The following SAXO1 variants were observed in gnomAD, a reference collection of about 807,000 sequenced individuals.
The protein encoded by SAXO1 is 4930500O09Rik.
In SAXO1, 21 loss-of-function variants were observed where a neutral mutation model predicts 17.5. The ratio of observed to expected loss-of-function variants is 1.20; its 90% confidence interval spans 0.85 to 1.72. The LOEUF is 1.72. Among genes scored for constraint, SAXO1 ranks in the 40% most tolerant of loss-of-function variants. The pLI is 0.00. For synonymous variants in SAXO1, 274 were observed against 216.5 expected (o/e 1.27, Z -2.33); for missense variants, 843 against 596.0 (o/e 1.41, Z -4.32).
intron 2 of SAXO1, among the ~76,000 whole-genome samples, chr9:18,943,527 C>A (rs543675824): frequency 1.3e-5 from 2 of 152,246 alleles, no homozygotes; most frequent in African/African-American, 4.8e-5. Context: ...ATGAAAATGC[C>A]CAGAAAACTC....
Position 18,928,838 on chromosome 9 carries a change from G to A in SAXO1, c.639C>T (p.Ala213=), listed in dbSNP as rs1830907022. The change falls in exon 4 of 4, where the codon GCC becomes GCT. Residue 213 remains alanine (A), a synonymous_variant. Transcript: ENST00000380534. ...GCACAAAGCGCTTCTCCACGGGGTG[G>A]GCCACATAGCTCATCTTGTAGTTAG... is the stretch of plus-strand genomic sequence containing the variant. ...DVTNYKMSYV[A]HPVEKRFVHE... 4 of 1,614,118 alleles carry A rather than the reference G, an allele frequency of 2.5e-6. No individual in the cohort carries two copies. Among genetic ancestry groups the A allele is most frequent in the African/African-American group, 2.7e-5 (2 of 74,998 alleles).
chr9:19,045,496 G>C (rs1836192904), intron 1 of SAXO1, among the ~76,000 whole-genome samples: 1 of 152,126 alleles, frequency 6.6e-6, no homozygotes, highest in South Asian at 2.1e-4. Flanking sequence ...CAGAGACACA[G>C]AGGACTGAAG....
Position 19,032,960 on chromosome 9 carries a change from C to T in SAXO1, c.-52G>A, listed in dbSNP as rs1032582433. The T allele has an allele frequency of 1.7e-5, 26 of 1,573,892 alleles. No homozygotes were observed. In the African/African-American group the frequency reaches 1.9e-4, roughly 11 times the overall value. ...CCCTCAGAGCATCGCCAGCTGCAGC[C>T]GACTCCTAGACCCCAACCACCTGTC... On this transcript the variant is annotated 5_prime_UTR_variant, in exon 1 of 4. Transcript: ENST00000380534.
chr9:19,010,668 G>A (rs1434079291), intron 1 of SAXO1, among the ~76,000 whole-genome samples: 2 of 152,064 alleles, frequency 1.3e-5, no homozygotes, highest in Admixed American at 6.5e-5. Flanking sequence ...CTCCAGAATA[G>A]AAGCAACTTA....
intron 2 of SAXO1, among the ~76,000 whole-genome samples, chr9:18,946,317 T>A (rs1185303335): frequency 6.8e-6 from 1 of 147,068 alleles, no homozygotes; most frequent in East Asian, 2.0e-4. Flanking sequence ...AGGACCAAGT[T>A]TGAAGCAACC....
At chr9:18,969,145 T>A (rs59467044) in intron 1 of SAXO1, among the ~76,000 whole-genome samples, 24,288 of 152,090 alleles carry the variant, frequency 0.16, 3,961 homozygotes, top group African/African-American at 0.42. Context: ...TCTGCTTAAG[T>A]AAGAGCTTCC....
chr9:18,962,727 C>G (rs112715010), intron 1 of SAXO1, among the ~76,000 whole-genome samples: 1 of 152,186 alleles, frequency 6.6e-6, no homozygotes, highest in Non-Finnish European at 1.5e-5. Flanking sequence ...GGACAGATTG[C>G]AAAAATTTTC....
In SAXO1 at chr9:18,928,992, G is replaced by T; in HGVS notation, c.485C>A (p.Pro162Gln). Residue 162 changes from proline to glutamine, a missense_variant, in exon 4 of 4, where the codon CCG (proline) becomes CAG (glutamine). Coordinates refer to ENST00000380534, the MANE Select transcript of SAXO1 (RefSeq NM_153707.4). Reference sequence around the variant, plus strand: ...TCTGTTATCAAACCTGACTGATGCCGGCTGGTATTTGTGTTCCAGACGAAG... The same window carrying T: ...TCTGTTATCAAACCTGACTGATGCCTGCTGGTATTTGTGTTCCAGACGAAG... ...EPLRLEHKYQ[P>Q]ASVRFDNRTT... The T allele has an allele frequency of 1.2e-6, 2 of 1,614,042 alleles. No homozygotes were observed. Among genetic ancestry groups the T allele is most frequent in the Non-Finnish European group, 1.7e-6 (2 of 1,180,012 alleles).
upstream of SAXO1, among the ~76,000 whole-genome samples, chr9:19,033,637 G>A (rs372528222): frequency 5.3e-5 from 8 of 152,180 alleles, no homozygotes; most frequent in South Asian, 6.2e-4. Context: ...ACAGACCTGC[G>A]CTCTTGAGAA....
chr9:19,038,658 A>G (rs1338816936), intron 1 of SAXO1, among the ~76,000 whole-genome samples: 5 of 151,254 alleles, frequency 3.3e-5, no homozygotes, highest in Non-Finnish European at 5.9e-5. Flanking sequence ...CTAATGCTAA[A>G]TGACGAGTTA....
At chr9:18,943,792 C>T (rs933336610) in intron 2 of SAXO1, among the ~76,000 whole-genome samples, 4 of 152,186 alleles carry the variant, frequency 2.6e-5, no homozygotes, top group African/African-American at 9.7e-5. Context: ...AAGCTGGGCG[C>T]CTGAGCTGCC....
At chr9:18,933,038 G>A (rs1336434082) in intron 3 of SAXO1, among the ~76,000 whole-genome samples, 4 of 152,136 alleles carry the variant, frequency 2.6e-5, no homozygotes, top group African/African-American at 7.2e-5. Context: ...TTGCATTATT[G>A]CACTAGCTAG....
chr9:18,999,565 T>C (rs7019163), intron 1 of SAXO1, among the ~76,000 whole-genome samples: 110,124 of 129,668 alleles, frequency 0.85, 46,508 homozygotes, highest in African/African-American at 0.9. Flanking sequence ...CGCCGCTGCC[T>C]GGCCGCCACA....
intron 1 of SAXO1, among the ~76,000 whole-genome samples, chr9:18,974,097 G>T (rs1833046510): frequency 6.6e-6 from 1 of 152,140 alleles, no homozygotes; most frequent in African/African-American, 2.4e-5. Context: ...AGACAGTAAG[G>T]GGTTGTAGGT....
At chr9:18,964,419 G>A (rs757762820) in intron 1 of SAXO1, among the ~76,000 whole-genome samples, 1 of 152,110 alleles carries the variant, frequency 6.6e-6, no homozygotes, top group Admixed American at 6.5e-5. Flanking sequence ...TTTTTGGTTG[G>A]TGGACTATTA....
At chr9:18,940,776 G>A (rs1017600394) in intron 3 of SAXO1, among the ~76,000 whole-genome samples, 2 of 152,104 alleles carry the variant, frequency 1.3e-5, no homozygotes, top group Non-Finnish European at 2.9e-5. Context: ...CACGTATCTT[G>A]TCTCTCCACT....
chr9:19,013,388 G>A (rs1834837465), intron 1 of SAXO1, among the ~76,000 whole-genome samples: 3 of 152,202 alleles, frequency 2.0e-5, no homozygotes, highest in East Asian at 1.9e-4. Flanking sequence ...AATAGGAGGG[G>A]AAAGTTTCAC....
At chr9:18,947,665 G>C (rs540957329) in intron 2 of SAXO1, 1 of 152,134 alleles carries the variant, frequency 6.6e-6, no homozygotes, top group Non-Finnish European at 1.5e-5. Flanking sequence ...AATGAGGCTG[G>C]AAGTGCAAAC....
At chr9:19,003,276 C>A (rs939267242) in intron 1 of SAXO1, among the ~76,000 whole-genome samples, 23 of 152,156 alleles carry the variant, frequency 1.5e-4, no homozygotes, top group African/African-American at 5.6e-4. Context: ...ATTCCATGCG[C>A]ATGGATAGGA....
Sources: allele counts gnomAD v4.1 joint callset (sites outside exome capture counted in the v4.1 genomes callset), GRCh38; gene constraint gnomAD v4.1.1; transcripts MANE v1.5; gene names NCBI Gene and HGNC (gene_info 2026-07-23, HGNC 2026-07-21).